The following ZNF277 variants were observed in gnomAD, a reference collection of about 807,000 sequenced individuals.
ZNF277 encodes the protein nuclear receptor-interacting factor 4.
ZNF277 carries 55 observed loss-of-function variants against 60.7 expected under a neutral mutation model. The observed-to-expected ratio is 0.91, with a 90% CI of 0.73 to 1.13. The LOEUF (loss-of-function observed/expected upper bound fraction) is 1.13, where lower values mean the gene tolerates loss of function less well. ZNF277 is among the 50% of genes most tolerant of loss of function. The pLI, the probability that ZNF277 is intolerant of heterozygous loss-of-function variation, is 0.00. For missense variants in ZNF277, 510 were observed against 523.0 expected, an observed-to-expected ratio of 0.98 and a Z score of 0.24; for synonymous variants, 178 against 179.3, an observed-to-expected ratio of 0.99 and a Z score of 0.06.
chr7:112,333,735 C>T (rs1793274648), intron 7 of ZNF277, among the ~76,000 whole-genome samples: 1 of 152,212 alleles, frequency 6.6e-6, no homozygotes, highest in South Asian at 2.1e-4. Context: ...ATATCAGTTT[C>T]TGAATAGTAA....
intron 7 of ZNF277, among the ~76,000 whole-genome samples, 187 bp from the exon 8 acceptor site, chr7:112,335,916 CA>C (rs1039262532): frequency 4.6e-5 from 7 of 151,688 alleles, no homozygotes; most frequent in East Asian, 1.9e-4. Flanking sequence ...GTCATTAAGT[CA>C]AAAAAAAGTG....
At chr7:112,243,021 A>G (rs1040059565) in intron 1 of ZNF277, among the ~76,000 whole-genome samples, 1 of 152,112 alleles carries the variant, frequency 6.6e-6, no homozygotes, top group African/African-American at 2.4e-5. Flanking sequence ...ATAAAGCCAC[A>G]TACCTACATT....
chr7:112,248,304 G>C (rs569143423), intron 1 of ZNF277, among the ~76,000 whole-genome samples: 1 of 151,304 alleles, frequency 6.6e-6, no homozygotes, highest in East Asian at 1.9e-4. Flanking sequence ...CTGAATAGGG[G>C]GTGGGGGTTG....
intron 2 of ZNF277, among the ~76,000 whole-genome samples, chr7:112,293,136 T>A (rs1792246691): frequency 6.6e-6 from 1 of 152,222 alleles, no homozygotes; most frequent in Admixed American, 6.5e-5. Context: ...TTCAAAGTCC[T>A]TGCTTCTCTA....
intron 1 of ZNF277, among the ~76,000 whole-genome samples, chr7:112,237,175 C>T (rs12673830): frequency 0.13 from 20,373 of 151,920 alleles, 1,436 homozygotes; most frequent in East Asian, 0.16. Flanking sequence ...AATTTTGAAA[C>T]AAATGAAAAT....
chr7:112,275,589 A>T (rs904242461), intron 1 of ZNF277, among the ~76,000 whole-genome samples: 2 of 152,212 alleles, frequency 1.3e-5, no homozygotes, highest in Non-Finnish European at 2.9e-5. Context: ...TCTGATTTAA[A>T]TCTACAAATA....
At chr7:112,230,417 G>T (rs1048375288) in intron 1 of ZNF277, among the ~76,000 whole-genome samples, 2 of 152,164 alleles carry the variant, frequency 1.3e-5, no homozygotes, top group African/African-American at 2.4e-5. Flanking sequence ...AAAGGAAAAA[G>T]CCCAAAATGA....
intron 1 of ZNF277, among the ~76,000 whole-genome samples, chr7:112,223,468 A>T (rs964436234): frequency 2.0e-5 from 3 of 152,200 alleles, no homozygotes; most frequent in African/African-American, 7.2e-5. Context: ...CCCAGTCTCC[A>T]TGGTGGATAG....
chr7:112,256,495 T>A (rs1309010559), intron 1 of ZNF277, among the ~76,000 whole-genome samples: 1 of 139,760 alleles, frequency 7.2e-6, no homozygotes, highest in Non-Finnish European at 1.5e-5. Context: ...AGTGGCACCA[T>A]CTTGGCTCAC....
intron 4 of ZNF277, among the ~76,000 whole-genome samples, chr7:112,306,096 A>G (rs916962271): frequency 6.6e-6 from 1 of 151,810 alleles, no homozygotes; most frequent in Non-Finnish European, 1.5e-5. Flanking sequence ...ACCACGTACT[A>G]TTTATTTTCT....
At chr7:112,250,289 C>T (rs2117008469) in intron 1 of ZNF277, among the ~76,000 whole-genome samples, 1 of 152,296 alleles carries the variant, frequency 6.6e-6, no homozygotes, top group East Asian at 1.9e-4. Flanking sequence ...GGGTTGATCT[C>T]AAAACCCTGT....
At chr7:112,297,447 C>G (rs903891345) in intron 4 of ZNF277, among the ~76,000 whole-genome samples, 1 of 151,958 alleles carries the variant, frequency 6.6e-6, no homozygotes, top group Admixed American at 6.6e-5. Flanking sequence ...GTGCTATATC[C>G]TCAAGAGATC....
intron 1 of ZNF277, among the ~76,000 whole-genome samples, chr7:112,223,071 G>A (rs946657140): frequency 6.6e-5 from 10 of 152,146 alleles, no homozygotes; most frequent in African/African-American, 2.4e-4. Flanking sequence ...CCTATTGTGG[G>A]ACCTTGTGAT....
chr7:112,210,341 G>T (rs768021066), intron 1 of ZNF277, among the ~76,000 whole-genome samples: 5 of 152,072 alleles, frequency 3.3e-5, no homozygotes, highest in Non-Finnish European at 7.4e-5. Flanking sequence ...AGTGGGTGGG[G>T]TGCAGGCAGG....
intron 1 of ZNF277, among the ~76,000 whole-genome samples, chr7:112,272,772 G>A (rs1444666565): frequency 3.9e-5 from 6 of 152,116 alleles, no homozygotes; most frequent in Admixed American, 6.6e-5. Context: ...GGGATAACAG[G>A]CGTGAGCCAC....
intron 2 of ZNF277, among the ~76,000 whole-genome samples, chr7:112,294,944 A>G (rs1792291053): frequency 6.6e-6 from 1 of 152,206 alleles, no homozygotes; most frequent in African/African-American, 2.4e-5. Flanking sequence ...CAAGCCATTT[A>G]AAATGTCCAA....
At chr7:112,237,517 G>A (rs1790829029) in intron 1 of ZNF277, among the ~76,000 whole-genome samples, 1 of 152,014 alleles carries the variant, frequency 6.6e-6, no homozygotes, top group South Asian at 2.1e-4. Context: ...AAATGAAACA[G>A]GAGAAATTAC....
At chr7:112,209,427 C>G (rs542281262) in intron 1 of ZNF277, among the ~76,000 whole-genome samples, 1 of 152,182 alleles carries the variant, frequency 6.6e-6, no homozygotes, top group African/African-American at 2.4e-5. Flanking sequence ...GTTTCAATGA[C>G]TAGTAGATTG....
intron 1 of ZNF277, among the ~76,000 whole-genome samples, chr7:112,246,534 C>T (rs1473451083): frequency 6.6e-6 from 1 of 152,070 alleles, no homozygotes; most frequent in Non-Finnish European, 1.5e-5. Flanking sequence ...AGAAGAAAAG[C>T]CTTTGAGGAC....
Sources: gnomAD v4.1 joint callset for allele counts (sites outside exome capture counted in the v4.1 genomes callset) on GRCh38, gnomAD v4.1.1 for gene constraint, MANE v1.5 for transcripts, NCBI Gene and HGNC (gene_info 2026-07-23, HGNC 2026-07-21) for gene names.